The following CEP170 variants were observed in gnomAD, a reference collection of about 807,000 sequenced individuals.
The protein encoded by CEP170 is centrosomal protein 170.
CEP170 carries 21 observed loss-of-function variants against 151.9 expected under a neutral mutation model. That is an observed-to-expected ratio of 0.14 (90% CI 0.10 to 0.20). The LOEUF is 0.20. CEP170 is among the 10% of genes least tolerant of loss of function. The pLI is 1.00. For missense variants in CEP170, 964 were observed against 1,892.9 expected, an observed-to-expected ratio of 0.51 and a Z score of 9.11; for synonymous variants, 356 against 648.8, an observed-to-expected ratio of 0.55 and a Z score of 6.86.
At chr1:243,200,930 A>C (rs984226111) in intron 4 of CEP170, 95 bp from the exon 5 acceptor site, 1 of 1,334,920 alleles carries the variant, frequency 7.5e-7, no homozygotes, top group African/African-American at 1.5e-5. Context: ...CTATTTCAAC[A>C]GGTAACTACA....
rs569278871 is a variant in CEP170, at chr1:243,226,728, G to A, written c.-41-1407C>T. ...CTTATGGCTAGGCACAGTGGCTCAC[G>A]CCGGTAATCCCAGCACTTTGGGAGG... On this transcript the variant is annotated intron_variant, in intron 1 of 19. Transcript: ENST00000366542. Among the ~76,000 whole-genome samples the A allele has an allele frequency of 3.3e-5, 5 of 152,242 alleles. No homozygotes were observed. In the South Asian group the frequency reaches 1.0e-3, roughly 32 times the overall value.
intron 4 of CEP170, among the ~76,000 whole-genome samples, chr1:243,207,618 T>C (rs1249909511): frequency 1.3e-4 from 19 of 151,722 alleles, no homozygotes; most frequent in Non-Finnish European, 2.4e-4. Context: ...TTTACCAAGA[T>C]AGAACATATT....
chr1:243,236,616 T>A (rs2064277415), intron 1 of CEP170, among the ~76,000 whole-genome samples: 1 of 152,210 alleles, frequency 6.6e-6, no homozygotes, highest in Non-Finnish European at 1.5e-5. Context: ...GAGGGAAATT[T>A]AGTAAACTGG....
chr1:243,243,835 CT>C (rs1254311171), intron 1 of CEP170, among the ~76,000 whole-genome samples: 7 of 152,156 alleles, frequency 4.6e-5, no homozygotes, highest in Admixed American at 3.9e-4. Flanking sequence ...CATCATTCCT[CT>C]TTAAAAGTAG....
intron 4 of CEP170, among the ~76,000 whole-genome samples, chr1:243,206,169 T>C (rs1249971404): frequency 6.6e-6 from 1 of 152,216 alleles, no homozygotes; most frequent in Non-Finnish European, 1.5e-5. Context: ...GGAGTCTCTC[T>C]TTTGCCCAGG....
rs567573593 is a variant in CEP170, at chr1:243,126,217, G to A, written c.*232C>T. 702 of 631,456 alleles carry A rather than the reference G, an allele frequency of 1.1e-3. 4 individuals carry two copies. The African/African-American group carries it at 0.012, about 10-fold the overall frequency. 39.1% of individuals were successfully genotyped at this position (631,456 alleles called of 1,614,324 possible). ...TGAAAATCATAAAACCACAAAAGGCGACACTGCCACAATCTGCTTTTTCCT... is the reference window on the plus strand; with the variant it reads ...TGAAAATCATAAAACCACAAAAGGCAACACTGCCACAATCTGCTTTTTCCT... On this transcript the variant is annotated 3_prime_UTR_variant, in exon 20 of 20. Coordinates refer to ENST00000366542, the MANE Select transcript of CEP170 (RefSeq NM_014812.3).
rs1412807163 is a variant in CEP170 at position 243,165,705 on chromosome 1, T to A, written c.2255A>T (p.Glu752Val). Reference protein sequence around the residue: ...KQTLAKLQQQEQREEAQWTPT... With the variant: ...KQTLAKLQQQVQREEAQWTPT... ...TGTCCACTGAGCCTCCTCCCTTTGT[T>A]CTTGTTGTTGAAGTTTTGCTAATGT... Residue 752 changes from glutamate (E) to valine (V), a missense_variant, in exon 13 of 20, where the codon GAA becomes GTA. Coordinates refer to ENST00000366542, the MANE Select transcript of CEP170 (RefSeq NM_014812.3). 2 of 1,614,086 alleles carry A rather than the reference T, an allele frequency of 1.2e-6. No individual in the cohort carries two copies. Among genetic ancestry groups the A allele is most frequent in the South Asian group, 2.2e-5 (2 of 91,084 alleles).
rs2061847669 is a variant in CEP170, at chr1:243,211,982, A to C, written c.196-18T>G. 12 of 1,483,502 alleles carry C rather than the reference A, an allele frequency of 8.1e-6. No individual in the cohort carries two copies. Among genetic ancestry groups the C allele is most frequent in the African/African-American group, 1.4e-5 (1 of 70,060 alleles). The allele number at this position is 1,483,502 out of a possible 1,614,324, so 91.9% of individuals were successfully genotyped here. On this transcript the variant is annotated intron_variant, in intron 3 of 19. Transcript: ENST00000366542. ...ACAAAAGTCTACAAGGAAACAAAAA[A>C]AGATGTTAGGTTACGTATGAGGTAT...
In CEP170 at chr1:243,139,981, C is replaced by G. The variant is rs1209277523; in HGVS notation, c.4186G>C (p.Asp1396His). 2 of 1,613,344 alleles carry G rather than the reference C, an allele frequency of 1.2e-6. No homozygotes were observed. Among genetic ancestry groups the G allele is most frequent in the Non-Finnish European group, 1.7e-6 (2 of 1,179,550 alleles). The change falls in exon 16 of 20, where the codon GAT becomes CAT. Residue 1396 changes from aspartate to histidine, a missense_variant. Transcript: ENST00000366542. ...CTCCGCCTTGTAATTGTTAAGTGAT[C>G]GGGAGGCTCTGCTGCTTGAGGTCTT... Reference protein sequence around the residue: ...DPRPQAAEPPDHLTITRRRTW... With the variant: ...DPRPQAAEPPHHLTITRRRTW...
Position 243,166,078 on chromosome 1 carries a change from T to C in CEP170, c.1882A>G (p.Thr628Ala). 6.2e-7 allele frequency: 1 copy of C among 1,612,928 alleles called. No individual in the cohort carries two copies. Among genetic ancestry groups the C allele is most frequent in the South Asian group, 1.1e-5 (1 of 90,932 alleles). Residue 628 changes from threonine (T) to alanine (A), a missense_variant, in exon 13 of 20, where the codon ACT becomes GCT. Physicochemically the swap from Thr to Ala is moderately conservative, Grantham distance 58. Transcript: ENST00000366542. The stretch of plus-strand genomic sequence containing the variant: ...CTAGCCAAGGAAGTTGCAGAGCCAG[T>C]ACTTCTCACTGTCATGCCAGACTCA... Reference protein sequence around the residue: ...ISESGMTVRSTGSATSLASQG... With the variant: ...ISESGMTVRSAGSATSLASQG...
rs548665403 is a variant in CEP170, at chr1:243,148,762, T to C, written c.3912-6299A>G. Reference sequence around the variant, plus strand: ...ATAAAGAAGGTTCACAAAAAAAAGTTTCCTAATGATAAGGAAAGATCTTTC... The same window carrying C: ...ATAAAGAAGGTTCACAAAAAAAAGTCTCCTAATGATAAGGAAAGATCTTTC... On this transcript the variant is annotated intron_variant, in intron 14 of 19. Transcript: ENST00000366542. Among the ~76,000 whole-genome samples the C allele has an allele frequency of 2.9e-3, 446 of 152,224 alleles. 2 individuals carry two copies. Among genetic ancestry groups the C allele is most frequent in the Non-Finnish European group, 4.1e-3 (282 of 68,002 alleles).
intron 13 of CEP170, chr1:243,163,445 T>TA (rs1412426472): frequency 1.3e-5 from 2 of 152,258 alleles, no homozygotes; most frequent in Non-Finnish European, 2.9e-5. Context: ...GTCACACATG[T>TA]ATCTCAATGG....
At chr1:243,166,954 G>C (rs1358701101) in intron 12 of CEP170, among the ~76,000 whole-genome samples, 12 of 152,082 alleles carry the variant, frequency 7.9e-5, no homozygotes, top group Non-Finnish European at 1.5e-4. Flanking sequence ...AGTCATAATG[G>C]TATAAAAGGG....
intron 1 of CEP170, among the ~76,000 whole-genome samples, chr1:243,251,233 C>T (rs1454155409): frequency 6.6e-6 from 1 of 152,086 alleles, no homozygotes; most frequent in Non-Finnish European, 1.5e-5. Context: ...AGAAGTTGGA[C>T]CCAATAACAT....
intron 15 of CEP170, 43 bp from the exon 16 acceptor site, chr1:243,140,150 G>C: frequency 6.3e-7 from 1 of 1,583,536 alleles, no homozygotes; most frequent in Non-Finnish European, 8.6e-7. Flanking sequence ...ACAGTAATTT[G>C]AAAAAGTACC....
At chr1:243,225,414 G>T in intron 1 of CEP170, 93 bp from the exon 2 acceptor site, 1 of 513,008 alleles carries the variant, frequency 1.9e-6, no homozygotes. Context: ...ATAGAACTGC[G>T]TTCATCAACA....
chr1:243,172,991 G>A lies in CEP170; in HGVS notation c.1567-145C>T. ...ATTTCAAAACTAAGGAAAACTTCTT[G>A]AATGACAGTAACAGCTAATTGTGAT... is the stretch of plus-strand genomic sequence containing the variant. On this transcript the variant is annotated intron_variant, in intron 10 of 19. Coordinates refer to ENST00000366542, the MANE Select transcript of CEP170 (RefSeq NM_014812.3). 3.0e-6 allele frequency: 3 copies of A among 993,686 alleles called. No homozygotes were observed. In the Admixed American group the frequency reaches 1.1e-4, roughly 35 times the overall value. 61.6% of individuals were successfully genotyped at this position (993,686 alleles called of 1,614,324 possible).
chr1:243,170,131 T>C (rs1312438854), intron 11 of CEP170, among the ~76,000 whole-genome samples: 1 of 152,230 alleles, frequency 6.6e-6, no homozygotes, highest in Non-Finnish European at 1.5e-5. Flanking sequence ...TTGATGCCTG[T>C]AATCCCAGTT....
At chr1:243,136,760 G>A (rs998715763) in intron 16 of CEP170, among the ~76,000 whole-genome samples, 1 of 152,088 alleles carries the variant, frequency 6.6e-6, no homozygotes, top group African/African-American at 2.4e-5. Flanking sequence ...AGATGCGTGG[G>A]CAAAACCAGG....
Sources: allele counts gnomAD v4.1 joint callset (sites outside exome capture counted in the v4.1 genomes callset), GRCh38; gene constraint gnomAD v4.1.1; transcripts MANE v1.5; gene names NCBI Gene and HGNC (gene_info 2026-07-23, HGNC 2026-07-21).